Variants in EPHA6 observed in about 807,000 individuals in gnomAD.
EPHA6 encodes the protein EPH receptor A6, also known as ephrin type-A receptor 6.
EPHA6 carries 50 observed loss-of-function variants against 112.0 expected under a neutral mutation model. That is an observed-to-expected ratio of 0.45 (90% CI 0.36 to 0.56). The LOEUF is 0.56. EPHA6 is among the 20% of genes least tolerant of loss of function. The pLI is 0.00. For missense variants in EPHA6, 1,280 were observed against 1,417.4 expected (o/e 0.90, Z 1.56); for synonymous variants, 529 against 490.7 (o/e 1.08, Z -1.03).
chr3:97,565,741 G>A (rs929138808), intron 11 of EPHA6, among the ~76,000 whole-genome samples: 7 of 152,016 alleles, frequency 4.6e-5, no homozygotes, highest in East Asian at 1.9e-4. Flanking sequence ...GATTTAGGCC[G>A]GGCGTGGTGG....
chr3:97,611,052 C>T lies in EPHA6; in HGVS notation c.2574+198C>T, dbSNP rs1335138576. The stretch of plus-strand genomic sequence containing the variant: ...AGGGGGGAGGATGTACACTCAATAA[C>T]GTAATTGATTTCTCCTCTAAATTCA... On this transcript the variant is annotated intron_variant, in intron 13 of 17. Transcript: ENST00000389672. Among the ~76,000 whole-genome samples, 8 of 151,568 alleles carry T rather than the reference C, an allele frequency of 5.3e-5. 1 individual carries two copies. The highest frequency in any genetic ancestry group is 7.4e-5 in the Non-Finnish European group (5 of 67,706).
chr3:96,820,409 A>G (rs1182420187), intron 1 of EPHA6, among the ~76,000 whole-genome samples: 1 of 151,970 alleles, frequency 6.6e-6, no homozygotes, highest in Non-Finnish European at 1.5e-5. Flanking sequence ...TTGTCCGGGC[A>G]AGATGTATGG....
At chr3:97,409,627 A>C (rs2087579413) in intron 6 of EPHA6, among the ~76,000 whole-genome samples, 1 of 152,024 alleles carries the variant, frequency 6.6e-6, no homozygotes, top group African/African-American at 2.4e-5. Flanking sequence ...GCATCTGCAA[A>C]ATGGCAGGAA....
At chr3:97,120,870 A>C (rs184524903) in intron 3 of EPHA6, among the ~76,000 whole-genome samples, 1 of 152,066 alleles carries the variant, frequency 6.6e-6, no homozygotes, top group East Asian at 1.9e-4. Flanking sequence ...TAAATAAAAT[A>C]ATGTTATAGT....
At chr3:96,917,378 C>T (rs1034953245) in intron 2 of EPHA6, among the ~76,000 whole-genome samples, 3 of 144,968 alleles carry the variant, frequency 2.1e-5, no homozygotes, top group Admixed American at 6.9e-5. Flanking sequence ...AATATCGTGC[C>T]GCTACACTCC....
At chr3:97,425,153 C>A (rs750309397) in intron 6 of EPHA6, among the ~76,000 whole-genome samples, 5 of 152,132 alleles carry the variant, frequency 3.3e-5, no homozygotes, top group Admixed American at 3.3e-4. Context: ...GCAAGCTGTC[C>A]GTGGATCTGC....
intron 12 of EPHA6, among the ~76,000 whole-genome samples, chr3:97,593,159 G>GA (rs912125021): frequency 3.5e-4 from 52 of 149,212 alleles, no homozygotes; most frequent in Non-Finnish European, 4.8e-4. Context: ...TTTCATTACA[G>GA]AAAAAAAAAT....
At chr3:96,912,976 G>A (rs762482790) in intron 2 of EPHA6, among the ~76,000 whole-genome samples, 10 of 152,072 alleles carry the variant, frequency 6.6e-5, no homozygotes, top group Non-Finnish European at 1.3e-4. Flanking sequence ...TATGCTAGTG[G>A]CATGGTTTTT....
chr3:97,033,433 G>C (rs2044955603), intron 3 of EPHA6, among the ~76,000 whole-genome samples: 1 of 151,912 alleles, frequency 6.6e-6, no homozygotes, highest in South Asian at 2.1e-4. Flanking sequence ...GTAACACTCT[G>C]AATTTATCCA....
chr3:97,643,495 G>A (rs1426235062), intron 14 of EPHA6, among the ~76,000 whole-genome samples: 161 of 143,192 alleles, frequency 1.1e-3, no homozygotes, highest in East Asian at 6.0e-3. Flanking sequence ...ACACAGACTG[G>A]CAAATTGGAT....
At chr3:96,987,271 C>G in intron 2 of EPHA6, 59 bp from the exon 3 acceptor site, 1 of 1,414,650 alleles carries the variant, frequency 7.1e-7, no homozygotes, top group Non-Finnish European at 9.6e-7. Flanking sequence ...TGTAAGTAAT[C>G]ATTTCTGTTT....
intron 14 of EPHA6, among the ~76,000 whole-genome samples, chr3:97,693,404 T>C (rs1347399104): frequency 6.6e-6 from 1 of 152,258 alleles, no homozygotes; most frequent in African/African-American, 2.4e-5. Context: ...AGTCTTCTTC[T>C]GAAGGACAAT....
intron 10 of EPHA6, among the ~76,000 whole-genome samples, chr3:97,495,247 A>G (rs1168014885): frequency 6.6e-6 from 1 of 151,236 alleles, no homozygotes; most frequent in Non-Finnish European, 1.5e-5. Flanking sequence ...GGTCTACACT[A>G]TATATATATG....
At chr3:97,074,202 A>G (rs572651080) in intron 3 of EPHA6, among the ~76,000 whole-genome samples, 3 of 152,030 alleles carry the variant, frequency 2.0e-5, no homozygotes, top group South Asian at 4.2e-4. Flanking sequence ...TTTTTAGTCT[A>G]TTGCCAATAG....
intron 3 of EPHA6, among the ~76,000 whole-genome samples, chr3:97,151,280 T>G (rs1000033705): frequency 1.8e-4 from 28 of 152,178 alleles, no homozygotes; most frequent in African/African-American, 6.5e-4. Context: ...CACTTAGAAG[T>G]GATCTTTTGT....
At chr3:97,473,249 G>A (rs2091278104) in intron 7 of EPHA6, among the ~76,000 whole-genome samples, 1 of 151,692 alleles carries the variant, frequency 6.6e-6, no homozygotes, top group African/African-American at 2.4e-5. Context: ...ACAGAGGAGT[G>A]TTTACAGTTC....
At chr3:97,123,249 A>G (rs1005733827) in intron 3 of EPHA6, among the ~76,000 whole-genome samples, 4 of 152,126 alleles carry the variant, frequency 2.6e-5, no homozygotes, top group Non-Finnish European at 5.9e-5. Context: ...TTAAAAATTC[A>G]GTAATGTATT....
intron 3 of EPHA6, among the ~76,000 whole-genome samples, chr3:97,112,258 G>T (rs1428499239): frequency 6.6e-6 from 1 of 152,062 alleles, no homozygotes; most frequent in Non-Finnish European, 1.5e-5. Context: ...ATTTTGAGAC[G>T]TTCAAAAGGT....
intron 11 of EPHA6, among the ~76,000 whole-genome samples, chr3:97,556,241 G>A (rs112765151): frequency 1.3e-5 from 2 of 151,854 alleles, no homozygotes; most frequent in East Asian, 1.9e-4. Context: ...GTGCTTCCTC[G>A]TGTGACCCTT....
Sources: allele counts gnomAD v4.1 joint callset (sites outside exome capture counted in the v4.1 genomes callset), GRCh38; gene constraint gnomAD v4.1.1; transcripts MANE v1.5; gene names NCBI Gene and HGNC (gene_info 2026-07-23, HGNC 2026-07-21).